JAZF1: variants seen among roughly 807,000 people sequenced by gnomAD.
The protein encoded by JAZF1 is JAZF zinc finger 1, also known as juxtaposed with another zinc finger protein 1.
Under a neutral mutation model 26.4 loss-of-function variants are expected in JAZF1, and 8 were observed. The observed-to-expected ratio is 0.30, with a 90% CI of 0.18 to 0.55. JAZF1 has a LOEUF of 0.55. Among genes scored for constraint, JAZF1 ranks in the 20% least tolerant of loss-of-function variants. The pLI is 0.94. For synonymous variants in JAZF1, 126 were observed against 122.3 expected (o/e 1.03, Z -0.20); for missense variants, 199 against 322.0 (o/e 0.62, Z 2.92).
At chr7:28,094,411 G>T (rs1052950962) in intron 1 of JAZF1, among the ~76,000 whole-genome samples, 7 of 152,164 alleles carry the variant, frequency 4.6e-5, no homozygotes, top group African/African-American at 1.7e-4. Context: ...CTCCTTTCCA[G>T]CCCCGGCACC....
intron 1 of JAZF1, among the ~76,000 whole-genome samples, chr7:28,077,000 C>G (rs1210245247): frequency 1.3e-5 from 2 of 152,256 alleles, no homozygotes; most frequent in South Asian, 4.1e-4. Flanking sequence ...CGAAACCCAG[C>G]TGCAGAGCAT....
At chr7:28,000,596 CTTTTTCT>C (rs869143220) in intron 1 of JAZF1, among the ~76,000 whole-genome samples, 2 of 94,710 alleles carry the variant, frequency 2.1e-5, no homozygotes, top group Non-Finnish European at 2.5e-5. Flanking sequence ...CTCCTATTTT[CTTTTTCT>C]TTCTTTCTTT....
chr7:28,016,362 T>A (rs1451132247), intron 1 of JAZF1, among the ~76,000 whole-genome samples: 1 of 152,226 alleles, frequency 6.6e-6, no homozygotes, highest in Admixed American at 6.5e-5. Flanking sequence ...CTAAGAGGCC[T>A]GAACAACCCA....
At chr7:28,018,714 G>A (rs572844492) in intron 1 of JAZF1, among the ~76,000 whole-genome samples, 2 of 152,316 alleles carry the variant, frequency 1.3e-5, no homozygotes, top group Non-Finnish European at 2.9e-5. Context: ...TCTATGGTGG[G>A]AAATTAAGCC....
chr7:28,123,821 A>T (rs1241655574), intron 1 of JAZF1, among the ~76,000 whole-genome samples: 2 of 152,206 alleles, frequency 1.3e-5, no homozygotes, highest in Non-Finnish European at 2.9e-5. Context: ...AGATCCAAAA[A>T]GGTAGAAATA....
chr7:27,895,164 C>T (rs1784038414), intron 3 of JAZF1, 56 bp downstream of exon 3: 4 of 1,234,898 alleles, frequency 3.2e-6, no homozygotes, highest in Non-Finnish European at 4.4e-6. Context: ...ACATCACACA[C>T]ACTTTCTCTT....
intron 1 of JAZF1, among the ~76,000 whole-genome samples, chr7:28,038,761 T>C (rs1162147621): frequency 6.6e-6 from 1 of 152,178 alleles, no homozygotes; most frequent in African/African-American, 2.4e-5. Flanking sequence ...ATGACTTTTA[T>C]AAGAAAGTAG....
chr7:27,937,464 T>C (rs1347969639), intron 2 of JAZF1, among the ~76,000 whole-genome samples: 4 of 152,208 alleles, frequency 2.6e-5, no homozygotes, highest in Non-Finnish European at 4.4e-5. Flanking sequence ...ATTGTTGAAC[T>C]TTTGCCTTTA....
intron 1 of JAZF1, among the ~76,000 whole-genome samples, chr7:28,173,802 C>A (rs1720920609): frequency 6.7e-6 from 1 of 148,882 alleles, no homozygotes; most frequent in Non-Finnish European, 1.5e-5. Flanking sequence ...CTGACTCCTG[C>A]CAAAGTTGAC....
intron 1 of JAZF1, among the ~76,000 whole-genome samples, chr7:28,015,581 G>A (rs996307307): frequency 6.6e-6 from 1 of 152,048 alleles, no homozygotes; most frequent in African/African-American, 2.4e-5. Flanking sequence ...GGTGCCTATG[G>A]CATTATTTTC....
chr7:27,885,115 T>C (rs1401445163), intron 3 of JAZF1, among the ~76,000 whole-genome samples: 1 of 152,200 alleles, frequency 6.6e-6, no homozygotes, highest in Admixed American at 6.5e-5. Context: ...GACCTTGATT[T>C]AAATATTACC....
intron 1 of JAZF1, among the ~76,000 whole-genome samples, chr7:28,102,459 G>A (rs967546707): frequency 1.3e-5 from 2 of 152,108 alleles, no homozygotes; most frequent in Admixed American, 1.3e-4. Flanking sequence ...CAGTCCCTAG[G>A]TTATTTCTTA....
chr7:27,915,579 G>C (rs927424561), intron 2 of JAZF1, among the ~76,000 whole-genome samples: 1 of 152,168 alleles, frequency 6.6e-6, no homozygotes, highest in Admixed American at 6.5e-5. Flanking sequence ...ATTAGAACAG[G>C]TTTATTATCC....
intron 2 of JAZF1, among the ~76,000 whole-genome samples, chr7:27,973,924 T>C (rs1017456795): frequency 2.0e-5 from 3 of 152,002 alleles, no homozygotes; most frequent in Non-Finnish European, 4.4e-5. Context: ...AAGTTAGAGC[T>C]TCAAGTAAGG....
intron 2 of JAZF1, among the ~76,000 whole-genome samples, chr7:27,929,069 A>G (rs1784642358): frequency 6.6e-6 from 1 of 152,204 alleles, no homozygotes; most frequent in African/African-American, 2.4e-5. Flanking sequence ...TTAAACTGGC[A>G]ACTCAGTTTT....
intron 2 of JAZF1, among the ~76,000 whole-genome samples, chr7:27,923,261 A>G (rs1417391628): frequency 6.6e-6 from 1 of 152,222 alleles, no homozygotes; most frequent in Admixed American, 6.5e-5. Flanking sequence ...TAATGTCTGC[A>G]AGGGTTTGGG....
chr7:27,927,987 T>A (rs1044892469), intron 2 of JAZF1, among the ~76,000 whole-genome samples: 4 of 152,244 alleles, frequency 2.6e-5, no homozygotes, highest in Admixed American at 2.6e-4. Context: ...TGAGGTCATA[T>A]AACTTTACGT....
intron 1 of JAZF1, among the ~76,000 whole-genome samples, chr7:28,045,005 C>G (rs574536003): frequency 6.6e-6 from 1 of 152,140 alleles, no homozygotes; most frequent in East Asian, 1.9e-4. Context: ...CCAGGGGTCA[C>G]CATCCTCTTA....
At chr7:27,860,055 T>G (rs767220314) in intron 3 of JAZF1, among the ~76,000 whole-genome samples, 23 of 152,212 alleles carry the variant, frequency 1.5e-4, no homozygotes, top group Non-Finnish European at 3.4e-4. Flanking sequence ...ATTTCTTAAT[T>G]TAACCCACTA....
Sources: gnomAD v4.1 joint callset for allele counts (sites outside exome capture counted in the v4.1 genomes callset) on GRCh38, gnomAD v4.1.1 for gene constraint, MANE v1.5 for transcripts, NCBI Gene and HGNC (gene_info 2026-07-23, HGNC 2026-07-21) for gene names.